The following ZMYND8 variants were observed in gnomAD, a reference collection of about 807,000 sequenced individuals.
The protein encoded by ZMYND8 is MYND-type zinc finger-containing chromatin reader ZMYND8.
ZMYND8 carries 37 observed loss-of-function variants against 140.8 expected under a neutral mutation model. The ratio of observed to expected loss-of-function variants is 0.26; its 90% CI spans 0.20 to 0.35. The LOEUF is 0.35. ZMYND8 is among the 10% of genes least tolerant of loss of function. The pLI is 1.00. For synonymous variants in ZMYND8, 592 were observed against 597.1 expected (o/e 0.99, Z 0.12); for missense variants, 1,068 against 1,570.0 (o/e 0.68, Z 5.40).
intron 12 of ZMYND8, among the ~76,000 whole-genome samples, chr20:47,255,387 A>T (rs923507790): frequency 3.3e-5 from 5 of 151,690 alleles, no homozygotes; most frequent in African/African-American, 1.2e-4. Context: ...TAAAAGAAAA[A>T]TTTAAGAACT....
Position 47,310,131 on chromosome 20 carries a change from C to G in ZMYND8, c.159G>C (p.Ser53=). 6.2e-7 allele frequency: 1 copy of G among 1,613,820 alleles called. No homozygotes were observed. The highest frequency in any genetic ancestry group is 2.2e-5 in the East Asian group (1 of 44,874). The part of the protein sequence containing the change: ...PSPPHSSNGH[S]PQDTSTSPIK... ...TGGGGCTTGTTGATGTGTCCTGCGG[C>G]GAGTGGCCATTGGAAGAATGTGGAG... Residue 53 remains serine (S), a synonymous_variant, in exon 3 of 23, where the codon TCG becomes TCC. Coordinates refer to ENST00000471951, the MANE Select transcript of ZMYND8 (RefSeq NM_001281775.3).
At chr20:47,309,436 G>A (rs1338370709) in intron 3 of ZMYND8, among the ~76,000 whole-genome samples, 1 of 152,162 alleles carries the variant, frequency 6.6e-6, no homozygotes, top group Admixed American at 6.5e-5. Context: ...CTCCCGAGTA[G>A]CTGGGACTAC....
intron 14 of ZMYND8, among the ~76,000 whole-genome samples, chr20:47,241,078 G>A (rs1256025259): frequency 2.0e-5 from 3 of 151,740 alleles, no homozygotes; most frequent in African/African-American, 4.8e-5. Flanking sequence ...GGCAGATCAC[G>A]AAGTCAGGAG....
intron 9 of ZMYND8, 55 bp from the exon 10 acceptor site, chr20:47,282,272 C>T (rs2076651211): frequency 1.3e-6 from 2 of 1,509,672 alleles, no homozygotes; most frequent in Non-Finnish European, 1.8e-6. Context: ...GCAAGATACT[C>T]ACTAAAGTTT....
intron 2 of ZMYND8, among the ~76,000 whole-genome samples, chr20:47,345,713 T>C (rs1461569602): frequency 6.6e-6 from 1 of 152,034 alleles, no homozygotes; most frequent in Non-Finnish European, 1.5e-5. Context: ...TTCACCGTGT[T>C]GCCCAGGCTG....
intron 20 of ZMYND8, among the ~76,000 whole-genome samples, chr20:47,220,897 G>C (rs1348025245): frequency 6.6e-6 from 1 of 152,090 alleles, no homozygotes; most frequent in East Asian, 1.9e-4. Context: ...TGGCCCAATA[G>C]GGCAGCCACT....
intron 10 of ZMYND8, among the ~76,000 whole-genome samples, chr20:47,278,631 C>T (rs1048817685): frequency 1.3e-5 from 2 of 152,126 alleles, no homozygotes; most frequent in South Asian, 4.2e-4. Flanking sequence ...GACACCAGAT[C>T]GTAACACAAA....
intron 3 of ZMYND8, among the ~76,000 whole-genome samples, chr20:47,307,779 A>G (rs1212779875): frequency 6.6e-6 from 1 of 152,010 alleles, no homozygotes; most frequent in Non-Finnish European, 1.5e-5. Context: ...GAGAGCCAAG[A>G]TTGCGCCATT....
chr20:47,354,820 CTT>C (rs2083086865), intron 1 of ZMYND8, among the ~76,000 whole-genome samples: 1 of 152,174 alleles, frequency 6.6e-6, no homozygotes, highest in Non-Finnish European at 1.5e-5. Context: ...ACTTTTCCCA[CTT>C]AACTTCTAGC....
Position 47,221,365 on chromosome 20 carries a change from G to A in ZMYND8, c.3366C>T (p.Ser1122=), listed in dbSNP as rs760515350. The change falls in exon 20 of 23, where the codon AGC becomes AGT. Residue 1122 remains serine, a synonymous_variant. Transcript: ENST00000471951. ...CTGACGTCTCCTTCTCTTTGGAGGC[G>A]CTGGCCGTTTCTGAAGGTGCTGATT... ...STQSAPSETA[S]ASKEKETSAE... is the part of the protein sequence containing the mutation. The A allele has an allele frequency of 1.3e-4, 207 of 1,614,040 alleles. No homozygotes were observed. The highest frequency in any genetic ancestry group is 1.7e-4 in the Non-Finnish European group (204 of 1,180,042).
In ZMYND8 at chr20:47,346,202, C is replaced by T. The variant is rs146591267; in HGVS notation, c.85+1654G>A. On this transcript the variant is annotated intron_variant, in intron 2 of 22. Transcript: ENST00000471951. ...GCCCCCTCTCTTCAGTCCCTCTCCA[C>T]TTTGCCCCGTCTCCTGCTGGACCAC... Among the ~76,000 whole-genome samples, 556 of 152,266 alleles carry T rather than the reference C, an allele frequency of 3.7e-3. 5 individuals are homozygous for T. Among genetic ancestry groups the T allele is most frequent in the African/African-American group, 0.012 (519 of 41,544 alleles).
intron 7 of ZMYND8, among the ~76,000 whole-genome samples, chr20:47,287,487 C>T (rs1053534561): frequency 2.6e-5 from 4 of 152,106 alleles, no homozygotes; most frequent in African/African-American, 4.8e-5. Flanking sequence ...TTTGGCGCCT[C>T]GATGTCATCT....
chr20:47,234,964 A>T (rs1411403806), intron 16 of ZMYND8, among the ~76,000 whole-genome samples: 1 of 152,070 alleles, frequency 6.6e-6, no homozygotes, highest in African/African-American at 2.4e-5. Flanking sequence ...ACAAAATGAG[A>T]CCCTGTTTGC....
rs73306010 is a variant in ZMYND8 at position 47,335,687 on chromosome 20, A to T, written c.85+12169T>A. Among the ~76,000 whole-genome samples the T allele has an allele frequency of 5.5e-3, 841 of 152,332 alleles. 7 individuals carry two copies. Among genetic ancestry groups the T allele is most frequent in the African/African-American group, 0.019 (795 of 41,576 alleles). On this transcript the variant is annotated intron_variant, in intron 2 of 22. Transcript: ENST00000471951. ...CTAGAATAATAATAGTCACACAAAC[A>T]TATAACGTGGGTCATGCTTCAAAAA...
intron 21 of ZMYND8, among the ~76,000 whole-genome samples, chr20:47,214,969 G>C (rs938004229): frequency 1.3e-5 from 2 of 152,204 alleles, no homozygotes; most frequent in South Asian, 4.1e-4. Flanking sequence ...TATGATCCCA[G>C]CTACTCAAGA....
rs528573653 is a variant in ZMYND8, at chr20:47,268,141, G to A, written c.1481-5713C>T. Reference sequence around the variant, plus strand: ...GGAGGTTTCCATTTCTCTTCTCACTGCTGTAGTCATGATAAGCAATAAACA... The same window carrying A: ...GGAGGTTTCCATTTCTCTTCTCACTACTGTAGTCATGATAAGCAATAAACA... On this transcript the variant is annotated intron_variant, in intron 11 of 22. Coordinates refer to ENST00000471951, the MANE Select transcript of ZMYND8 (RefSeq NM_001281775.3). Among the ~76,000 whole-genome samples, 4 of 152,230 alleles carry A rather than the reference G, an allele frequency of 2.6e-5. No homozygotes were observed. In the East Asian group the frequency reaches 7.8e-4, roughly 30 times the overall value.
intron 2 of ZMYND8, among the ~76,000 whole-genome samples, chr20:47,327,433 C>A (rs923752745): frequency 6.6e-6 from 1 of 151,884 alleles, no homozygotes; most frequent in African/African-American, 2.4e-5. Context: ...GCAGGCAGAT[C>A]GTTTGAAGTC....
intron 11 of ZMYND8, among the ~76,000 whole-genome samples, chr20:47,262,662 G>A (rs1030484877): frequency 1.3e-5 from 2 of 152,168 alleles, no homozygotes; most frequent in Non-Finnish European, 2.9e-5. Flanking sequence ...GGTCTCCCCA[G>A]TTACTCTATT....
In ZMYND8 at chr20:47,347,758, G is replaced by A. The variant is rs933497501; in HGVS notation, c.85+98C>T. ...AAAATCCAAGAAGAGTTACAACGTC[G>A]GCTCAGAGAGCCACACACTTCACTG... On this transcript the variant is annotated intron_variant, in intron 2 of 22. Coordinates refer to ENST00000471951, the MANE Select transcript of ZMYND8 (RefSeq NM_001281775.3). 2.2e-5 allele frequency: 26 copies of A among 1,165,158 alleles called. No homozygotes were observed. In the South Asian group the frequency reaches 2.3e-4, roughly 10 times the overall value. The allele number at this position is 1,165,158 out of a possible 1,614,324, so 72.2% of individuals were successfully genotyped here.
Sources: gnomAD v4.1 joint callset for allele counts (sites outside exome capture counted in the v4.1 genomes callset) on GRCh38, gnomAD v4.1.1 for gene constraint, MANE v1.5 for transcripts, NCBI Gene and HGNC (gene_info 2026-07-23, HGNC 2026-07-21) for gene names.